The following MGARP variants were observed in gnomAD, a reference collection of about 807,000 sequenced individuals.
MGARP encodes the protein mitochondria localized glutamic acid rich protein.
MGARP carries 12 observed loss-of-function variants against 11.0 expected under a neutral mutation model. The ratio of observed to expected loss-of-function variants is 1.09; its 90% confidence interval spans 0.70 to 1.77. The LOEUF (loss-of-function observed/expected upper bound fraction) is 1.77, where lower values mean the gene tolerates loss of function less well. Among genes scored for constraint, MGARP ranks in the 40% most tolerant of loss-of-function variants. The pLI is 0.00. For missense variants in MGARP, 283 were observed against 297.8 expected, an observed-to-expected ratio of 0.95 and a Z score of 0.36; for synonymous variants, 110 against 115.4, an observed-to-expected ratio of 0.95 and a Z score of 0.30.
intron 1 of MGARP, among the ~76,000 whole-genome samples, chr4:139,276,502 TGA>T (rs749432570): frequency 6.6e-6 from 1 of 152,094 alleles, no homozygotes; most frequent in Non-Finnish European, 1.5e-5. Flanking sequence ...TATAAAAGCA[TGA>T]GAGATTCGTG....
intron 3 of MGARP, 78 bp from the exon 4 acceptor site, chr4:139,267,119 A>T: frequency 2.2e-6 from 3 of 1,383,850 alleles, no homozygotes; most frequent in South Asian, 1.3e-5. Flanking sequence ...TCGTTTAAAC[A>T]CCTAAGACAG....
chr4:139,272,686 C>CTTTTTTTTTTTTTTTTTTTTTTTTTTTT, intron 2 of MGARP, among the ~76,000 whole-genome samples: 1 of 111,236 alleles, frequency 9.0e-6, no homozygotes, highest in Non-Finnish European at 1.8e-5. Context: ...ATTCATATTT[C>CTTTTTTTTTTTTTTTTTTTTTTTTTTTT]TTTTTTTTTT....
At chr4:139,272,021 C>G (rs1402950366) in intron 2 of MGARP, among the ~76,000 whole-genome samples, 1 of 151,534 alleles carries the variant, frequency 6.6e-6, no homozygotes, top group African/African-American at 2.4e-5. Flanking sequence ...ATCCTTCTAG[C>G]TTCCCAGCCT....
intron 3 of MGARP, among the ~76,000 whole-genome samples, chr4:139,267,775 G>T (rs909475101): frequency 6.6e-6 from 1 of 152,116 alleles, no homozygotes; most frequent in Non-Finnish European, 1.5e-5. Context: ...CCTAAATAGT[G>T]ATCATAGTAA....
chr4:139,268,627 G>C, intron 3 of MGARP, 45 bp downstream of exon 3: 1 of 1,352,632 alleles, frequency 7.4e-7, no homozygotes, highest in Non-Finnish European at 1.0e-6. Flanking sequence ...GGAAATTAGT[G>C]CCTCAAAAAA....
At chr4:139,271,862 G>T (rs991783357) in intron 2 of MGARP, among the ~76,000 whole-genome samples, 6 of 152,250 alleles carry the variant, frequency 3.9e-5, no homozygotes, top group African/African-American at 1.4e-4. Context: ...GGCCAGAAAG[G>T]GTTCTCAGGG....
intron 2 of MGARP, among the ~76,000 whole-genome samples, chr4:139,270,819 C>T (rs552530933): frequency 1.8e-3 from 281 of 152,134 alleles, no homozygotes; most frequent in Admixed American, 3.1e-3. Flanking sequence ...GGTGTGTGTT[C>T]CTGACACCTT....
At chr4:139,278,516 CT>C (rs1441594181) in intron 1 of MGARP, among the ~76,000 whole-genome samples, 3 of 152,100 alleles carry the variant, frequency 2.0e-5, no homozygotes, top group Non-Finnish European at 4.4e-5. Flanking sequence ...TTTTAAACTA[CT>C]TCTATTTTGC....
chr4:139,278,274 T>A (rs1218584677), intron 1 of MGARP, among the ~76,000 whole-genome samples: 7 of 152,068 alleles, frequency 4.6e-5, no homozygotes, highest in Non-Finnish European at 1.0e-4. Flanking sequence ...GAGAACAAAA[T>A]GTGATGAGAC....
rs1213650004 is a variant in MGARP, at chr4:139,268,716, GT to G, written c.235del (p.Thr79GlnfsTer3). 6.2e-7 allele frequency: 1 copy of G among 1,611,734 alleles called. No homozygotes were observed. Among genetic ancestry groups the G allele is most frequent in the Admixed American group, 1.7e-5 (1 of 59,784 alleles). ...TGCTTTTGTTTTTTCTTTCAAATTT[GT>G]TTTATGTTCTGTGTGTTTGGCTTGG... The part of the protein sequence containing the change: ...SDQAKHTEHK[T>X]NLKEKTKAEI... On this transcript the variant is annotated frameshift_variant, in exon 3 of 4. Coordinates refer to ENST00000398955, the MANE Select transcript of MGARP (RefSeq NM_032623.4). LOFTEE classifies it low-confidence loss of function (END_TRUNC).
At chr4:139,278,921 C>T (rs896060079) in intron 1 of MGARP, among the ~76,000 whole-genome samples, 6 of 152,092 alleles carry the variant, frequency 3.9e-5, no homozygotes, top group African/African-American at 7.2e-5. Flanking sequence ...GTTAGACCTC[C>T]GTCCTTCCCT....
intron 3 of MGARP, 67 bp from the exon 4 acceptor site, chr4:139,267,108 G>T: frequency 6.6e-7 from 1 of 1,507,192 alleles, no homozygotes; most frequent in Non-Finnish European, 9.0e-7. Context: ...AAACACTGCG[G>T]TCGTTTAAAC....
intron 2 of MGARP, among the ~76,000 whole-genome samples, chr4:139,274,718 G>A (rs13149709): frequency 0.29 from 43,518 of 151,992 alleles, 6,876 homozygotes; most frequent in African/African-American, 0.42. Context: ...CCTGACCTTA[G>A]GTGATCCACC....
rs767005944 is a variant in MGARP at position 139,267,026 on chromosome 4, A to G, written c.296T>C (p.Val99Ala). ...TGAACTTGCTTTCTCAGTTTCCGCA[A>G]CATTCTCCTTTTCACCTTTAAGAAT... ...IHPFQGEKEN[V>A]AETEKASSEA... Residue 99 changes from valine (V) to alanine (A), a missense_variant, in exon 4 of 4, where the codon GTT becomes GCT. Val to Ala is a moderately conservative substitution (Grantham distance 64). Coordinates refer to ENST00000398955, the MANE Select transcript of MGARP (RefSeq NM_032623.4). 1 of 1,613,416 alleles carries G rather than the reference A, an allele frequency of 6.2e-7. No homozygotes were observed. Among genetic ancestry groups the G allele is most frequent in the South Asian group, 1.1e-5 (1 of 91,072 alleles).
At chr4:139,277,051 CA>C (rs1426140843) in intron 1 of MGARP, among the ~76,000 whole-genome samples, 9 of 152,086 alleles carry the variant, frequency 5.9e-5, no homozygotes, top group Admixed American at 4.6e-4. Flanking sequence ...GTGCTTGAAA[CA>C]AAGTTTGTGT....
At chr4:139,268,023 G>A (rs1011373345) in intron 3 of MGARP, among the ~76,000 whole-genome samples, 1 of 152,022 alleles carries the variant, frequency 6.6e-6, no homozygotes, top group African/African-American at 2.4e-5. Flanking sequence ...AGGCTGTGAT[G>A]GGAAGATTGC....
intron 2 of MGARP, 32 bp downstream of exon 2, chr4:139,275,257 T>C: frequency 6.4e-7 from 1 of 1,561,334 alleles, no homozygotes; most frequent in Non-Finnish European, 8.8e-7. Flanking sequence ...AATACATGAA[T>C]TCTTGAGCAC....
rs769445107 is a variant in MGARP, at chr4:139,275,404, A to G, written c.83-12T>C. The stretch of plus-strand genomic sequence containing the variant: ...CCGGCGCAGAGATGCTAGGAAAAAA[A>G]TGTTTAAACACAGTTAGCTTCACTA... On this transcript the variant is annotated splice_polypyrimidine_tract_variant and intron_variant, in intron 1 of 3. Transcript: ENST00000398955. The G allele has an allele frequency of 6.2e-7, 1 of 1,605,144 alleles. No individual in the cohort carries two copies. Among genetic ancestry groups the G allele is most frequent in the Admixed American group, 1.7e-5 (1 of 58,928 alleles).
At chr4:139,275,447 T>G in intron 1 of MGARP, 55 bp from the exon 2 acceptor site, 1 of 1,396,252 alleles carries the variant, frequency 7.2e-7, no homozygotes, top group Non-Finnish European at 1.0e-6. Flanking sequence ...AAAACTATTT[T>G]AAATAATTAC....
Sources: gnomAD v4.1 joint callset for allele counts (sites outside exome capture counted in the v4.1 genomes callset) on GRCh38, gnomAD v4.1.1 for gene constraint, MANE v1.5 for transcripts, NCBI Gene and HGNC (gene_info 2026-07-23, HGNC 2026-07-21) for gene names.